The following CSMD3 variants were observed in gnomAD, a reference collection of about 807,000 sequenced individuals.
The protein encoded by CSMD3 is CUB and Sushi multiple domains 3.
In CSMD3, 177 loss-of-function variants were observed where a neutral mutation model predicts 435.2. That is an observed-to-expected ratio of 0.41 (90% CI 0.36 to 0.46). CSMD3 has a LOEUF of 0.46. Ranked by LOEUF, CSMD3 falls within the 20% of genes least tolerant of loss-of-function variation. The pLI is 0.34. For synonymous variants in CSMD3, 1,656 were observed against 1,520.5 expected, an observed-to-expected ratio of 1.09 and a Z score of -2.07; for missense variants, 4,265 against 4,504.6, an observed-to-expected ratio of 0.95 and a Z score of 1.52.
At chr8:112,697,186 G>A (rs1387962933) in intron 13 of CSMD3, among the ~76,000 whole-genome samples, 2 of 152,028 alleles carry the variant, frequency 1.3e-5, no homozygotes, top group African/African-American at 2.4e-5. Context: ...TCAAGGCTCT[G>A]GAACTAGAAA....
At chr8:112,953,838 T>A (rs1219845147) in intron 8 of CSMD3, among the ~76,000 whole-genome samples, 2 of 151,474 alleles carry the variant, frequency 1.3e-5, no homozygotes, top group Non-Finnish European at 3.0e-5. Context: ...AGTTAAAAAA[T>A]ATACTCTTGT....
intron 35 of CSMD3, among the ~76,000 whole-genome samples, chr8:112,400,201 C>G (rs1353279107): frequency 6.6e-6 from 1 of 152,144 alleles, no homozygotes; most frequent in Non-Finnish European, 1.5e-5. Flanking sequence ...TCAAAGTTTT[C>G]TAAAGCATTG....
At chr8:112,952,995 G>A (rs1014184218) in intron 8 of CSMD3, among the ~76,000 whole-genome samples, 2 of 151,256 alleles carry the variant, frequency 1.3e-5, no homozygotes, top group Non-Finnish European at 1.5e-5. Context: ...GGGATATAGA[G>A]TTACATACAT....
chr8:112,628,604 T>C (rs915382352), intron 22 of CSMD3, among the ~76,000 whole-genome samples: 20 of 152,182 alleles, frequency 1.3e-4, no homozygotes, highest in African/African-American at 4.8e-4. Flanking sequence ...GTTAGTAAGT[T>C]GAAAATGTGG....
At chr8:112,911,675 GTGTAATGTATATATTTAGTTAAT>G (rs2082418489) in intron 10 of CSMD3, among the ~76,000 whole-genome samples, 2 of 128,172 alleles carry the variant, frequency 1.6e-5, no homozygotes, top group Non-Finnish European at 3.2e-5. Flanking sequence ...GTGTATTTAT[GTGTAATGTATATATTTAGTTAAT>G]TGTTATGTAT....
intron 11 of CSMD3, among the ~76,000 whole-genome samples, chr8:112,856,876 T>A (rs1430075824): frequency 6.6e-6 from 1 of 151,800 alleles, no homozygotes; most frequent in Non-Finnish European, 1.5e-5. Context: ...ACCAACAATT[T>A]CCTTCTGAAA....
chr8:112,234,337 C>T (rs1386207637), intron 68 of CSMD3, 28 bp downstream of exon 68: 2 of 1,381,698 alleles, frequency 1.4e-6, no homozygotes, highest in East Asian at 2.3e-5. Flanking sequence ...TTAAAATCAG[C>T]AGCAGATGTT....
chr8:112,340,308 T>A (rs1278072489), intron 42 of CSMD3, among the ~76,000 whole-genome samples: 4 of 152,188 alleles, frequency 2.6e-5, no homozygotes, highest in East Asian at 3.8e-4. Context: ...TTGAAATGAC[T>A]CCTATTTTAT....
At chr8:112,324,741 TA>T (rs1823334270) in intron 45 of CSMD3, among the ~76,000 whole-genome samples, 1 of 152,062 alleles carries the variant, frequency 6.6e-6, no homozygotes, top group Non-Finnish European at 1.5e-5. Flanking sequence ...GGGAGGCCTT[TA>T]AAGAGATTTA....
At chr8:112,269,043 G>GA (rs1161347375) in intron 59 of CSMD3, among the ~76,000 whole-genome samples, 2 of 152,096 alleles carry the variant, frequency 1.3e-5, no homozygotes, top group African/African-American at 4.8e-5. Flanking sequence ...CCTGCACTGT[G>GA]ACAATCAAAA....
At chr8:112,425,665 G>C (rs972021486) in intron 32 of CSMD3, among the ~76,000 whole-genome samples, 2 of 152,050 alleles carry the variant, frequency 1.3e-5, no homozygotes, top group African/African-American at 2.4e-5. Context: ...TCCATACCAA[G>C]CATATTGACA....
chr8:112,800,973 A>G (rs2078947234), intron 12 of CSMD3, among the ~76,000 whole-genome samples: 2 of 151,982 alleles, frequency 1.3e-5, no homozygotes, highest in African/African-American at 4.8e-5. Context: ...AACTGAAGCC[A>G]AAGGTCATTA....
chr8:113,277,371 G>A (rs1474688641), intron 3 of CSMD3, among the ~76,000 whole-genome samples: 1 of 151,872 alleles, frequency 6.6e-6, no homozygotes, highest in South Asian at 2.1e-4. Context: ...AAAGTATTAG[G>A]TAGAAAATAA....
At chr8:113,212,908 A>G (rs1035839373) in intron 3 of CSMD3, among the ~76,000 whole-genome samples, 18 of 70,540 alleles carry the variant, frequency 2.6e-4, no homozygotes, top group Non-Finnish European at 3.8e-4. Context: ...TATATATATT[A>G]AAAAAAAAAA....
chr8:112,506,356 C>T (rs1822517438), intron 29 of CSMD3, among the ~76,000 whole-genome samples: 1 of 152,036 alleles, frequency 6.6e-6, no homozygotes, highest in East Asian at 1.9e-4. Flanking sequence ...ATTACATCAA[C>T]CTTAGATAAT....
chr8:113,085,621 T>C (rs1343405552), intron 5 of CSMD3, among the ~76,000 whole-genome samples: 3 of 152,108 alleles, frequency 2.0e-5, no homozygotes, highest in Admixed American at 6.5e-5. Context: ...AATCCTGTCA[T>C]TAATGGCAAC....
chr8:112,263,769 C>A lies in CSMD3; in HGVS notation c.9732G>T (p.Leu3244=), dbSNP rs115208768. The change falls in exon 61 of 71, where the codon CTG becomes CTT. Residue 3244 remains leucine, a synonymous_variant. Coordinates refer to ENST00000297405, the MANE Select transcript of CSMD3 (RefSeq NM_198123.2). ...AGCCCCAGTCGAAATTTGTTCCTTC[C>A]AGCCTTCCATTAGAGATCTGGGGAG... is the stretch of plus-strand genomic sequence containing the variant. ...PTPPQISNGR[L]EGTNFDWGFS... 3,354 of 1,613,802 alleles carry A rather than the reference C, an allele frequency of 2.1e-3. 70 individuals are homozygous for A. In the African/African-American group the frequency reaches 0.04, roughly 19 times the overall value.
chr8:113,030,842 A>G (rs1365942993), intron 5 of CSMD3, among the ~76,000 whole-genome samples: 1 of 151,576 alleles, frequency 6.6e-6, no homozygotes, highest in African/African-American at 2.4e-5. Context: ...AAAAATTCAC[A>G]AAATAAGAGG....
intron 24 of CSMD3, among the ~76,000 whole-genome samples, chr8:112,564,443 G>A (rs1410023750): frequency 1.3e-5 from 2 of 148,982 alleles, no homozygotes; most frequent in Non-Finnish European, 3.0e-5. Flanking sequence ...CCGGGACTTG[G>A]TCGGGAAAAC....
Sources: gnomAD v4.1 joint callset for allele counts (sites outside exome capture counted in the v4.1 genomes callset) on GRCh38, gnomAD v4.1.1 for gene constraint, MANE v1.5 for transcripts, NCBI Gene and HGNC (gene_info 2026-07-23, HGNC 2026-07-21) for gene names.